PTPRG: variants seen among roughly 807,000 people sequenced by gnomAD.
The protein encoded by PTPRG is protein tyrosine phosphatase receptor type G.
In PTPRG, 102 loss-of-function variants were observed where a neutral mutation model predicts 165.3. The ratio of observed to expected loss-of-function variants is 0.62; its 90% confidence interval spans 0.53 to 0.73. The LOEUF is 0.73. Ranked by LOEUF, PTPRG falls within the 30% of genes least tolerant of loss-of-function variation. The pLI, the probability that PTPRG is intolerant of heterozygous loss-of-function variation, is 0.00. For missense variants in PTPRG, 1,866 were observed against 1,861.4 expected (o/e 1.00, Z -0.05); for synonymous variants, 675 against 669.5 (o/e 1.01, Z -0.13).
At chr3:61,911,354 A>C (rs1314727820) in intron 2 of PTPRG, among the ~76,000 whole-genome samples, 2 of 152,182 alleles carry the variant, frequency 1.3e-5, no homozygotes, top group African/African-American at 4.8e-5. Flanking sequence ...TGAGAGTGGG[A>C]TAAAAGAGTA....
intron 2 of PTPRG, among the ~76,000 whole-genome samples, chr3:61,979,917 A>C (rs1575845647): frequency 6.6e-6 from 1 of 150,530 alleles, no homozygotes; most frequent in Admixed American, 6.6e-5. Context: ...GCCTTGTAAA[A>C]CTGCTTTTAA....
intron 2 of PTPRG, among the ~76,000 whole-genome samples, chr3:61,908,048 G>C (rs183181138): frequency 7.0e-6 from 1 of 143,472 alleles, no homozygotes; most frequent in Non-Finnish European, 1.5e-5. Flanking sequence ...TTGAGCCCAA[G>C]AGTTCGAGGC....
chr3:61,912,414 G>A (rs942465229), intron 2 of PTPRG, among the ~76,000 whole-genome samples: 2 of 152,134 alleles, frequency 1.3e-5, no homozygotes, highest in African/African-American at 4.8e-5. Flanking sequence ...TTTGCATTCT[G>A]TAGTGTCTCA....
chr3:62,058,971 T>A (rs1668835559), intron 4 of PTPRG, among the ~76,000 whole-genome samples: 2 of 152,196 alleles, frequency 1.3e-5, no homozygotes, highest in Admixed American at 1.3e-4. Context: ...CACAGAACTC[T>A]GCTCTTGGTA....
At chr3:62,281,759 CATCATTCTAAGTAATAATG>C (rs765971118) in intron 27 of PTPRG, 50 bp downstream of exon 27, 2 of 1,504,438 alleles carry the variant, frequency 1.3e-6, no homozygotes, top group Middle Eastern at 1.8e-4. Context: ...GGCCCTGGAT[CATCATTCTAAGTAATAATG>C]AAATAATTTA....
At chr3:62,274,080 T>C (rs1702157279) in intron 23 of PTPRG, among the ~76,000 whole-genome samples, 1 of 152,186 alleles carries the variant, frequency 6.6e-6, no homozygotes, top group Admixed American at 6.5e-5. Context: ...TATGACTTTA[T>C]CTGAATATAA....
intron 2 of PTPRG, among the ~76,000 whole-genome samples, chr3:61,836,679 T>C (rs78529182): frequency 0.061 from 9,324 of 152,292 alleles, 640 homozygotes; most frequent in African/African-American, 0.17. Context: ...CTGAAGATGA[T>C]GCAGTTTGTA....
chr3:61,807,180 G>A lies in PTPRG; in HGVS notation c.190+58198G>A, dbSNP rs748106579. On this transcript the variant is annotated intron_variant, in intron 2 of 29. Transcript: ENST00000474889. The stretch of plus-strand genomic sequence containing the variant: ...TCTGAGACGACTTGTAAATCACAAG[G>A]AGAGAGGGCATTCTACCATTGGTCA... Among the ~76,000 whole-genome samples, 7 of 151,998 alleles carry A rather than the reference G, an allele frequency of 4.6e-5. No homozygotes were observed. In the South Asian group the frequency reaches 6.3e-4, roughly 14 times the overall value.
chr3:61,929,990 G>A (rs1169071640), intron 2 of PTPRG, among the ~76,000 whole-genome samples: 1 of 151,376 alleles, frequency 6.6e-6, no homozygotes. Flanking sequence ...TTCTTGCCCT[G>A]GATACTAGGA....
At chr3:61,600,172 AAAT>A (rs1388536022) in intron 1 of PTPRG, among the ~76,000 whole-genome samples, 3,355 of 113,810 alleles carry the variant, frequency 0.029, 68 homozygotes, top group African/African-American at 0.073. Flanking sequence ...AAAAAAAAAA[AAAT>A]ATATATATAT....
chr3:62,095,459 T>C (rs955821824), intron 5 of PTPRG, among the ~76,000 whole-genome samples: 3 of 152,210 alleles, frequency 2.0e-5, no homozygotes, highest in African/African-American at 7.2e-5. Context: ...AGAGTGTTAC[T>C]GTCTCAGCCT....
chr3:61,859,402 A>C (rs749396023), intron 2 of PTPRG, among the ~76,000 whole-genome samples: 23 of 152,148 alleles, frequency 1.5e-4, no homozygotes, highest in Admixed American at 3.3e-4. Flanking sequence ...CCCGGGTCTA[A>C]TTTTGAATTA....
chr3:62,059,448 A>G (rs750740812), intron 4 of PTPRG, among the ~76,000 whole-genome samples: 21 of 152,230 alleles, frequency 1.4e-4, no homozygotes, highest in South Asian at 2.1e-4. Flanking sequence ...CTTACCTTGT[A>G]AGAAATATGG....
chr3:61,816,474 G>C (rs779108666), intron 2 of PTPRG, among the ~76,000 whole-genome samples: 5 of 152,332 alleles, frequency 3.3e-5, no homozygotes, highest in Non-Finnish European at 7.3e-5. Flanking sequence ...GGAGGTTGCA[G>C]TGAGCCAGGA....
chr3:61,898,645 T>C (rs1213501051), intron 2 of PTPRG, among the ~76,000 whole-genome samples: 2 of 152,216 alleles, frequency 1.3e-5, no homozygotes, highest in African/African-American at 4.8e-5. Flanking sequence ...CCTCTCCTCA[T>C]TGTATGATTT....
intron 2 of PTPRG, among the ~76,000 whole-genome samples, chr3:61,800,440 C>G (rs2035196351): frequency 6.6e-6 from 1 of 152,024 alleles, no homozygotes; most frequent in Admixed American, 6.6e-5. Flanking sequence ...CCCAAGGAGG[C>G]TTCTCGGTGC....
rs181019102 is a variant in PTPRG at position 62,257,385 on chromosome 3, G to T, written c.2559+2170G>T. ...GTAATTAAAAACAAAATTGTATTAT[G>T]GTAAGAGAGTTAAGGTAATCTTAGT... On this transcript the variant is annotated intron_variant, in intron 16 of 29. Transcript: ENST00000474889. Among the ~76,000 whole-genome samples the T allele has an allele frequency of 3.2e-4, 49 of 152,246 alleles. No individual in the cohort carries two copies. The South Asian group carries it at 3.5e-3, about 11-fold the overall frequency.
At chr3:61,567,796 C>G (rs1041233692) in intron 1 of PTPRG, among the ~76,000 whole-genome samples, 1 of 151,754 alleles carries the variant, frequency 6.6e-6, no homozygotes, top group African/African-American at 2.4e-5. Flanking sequence ...CAGCCATGTG[C>G]AACATGGTGA....
At chr3:61,562,421 G>T in intron 1 of PTPRG, 49 bp downstream of exon 1, 3 of 1,583,638 alleles carry the variant, frequency 1.9e-6, no homozygotes, top group Non-Finnish European at 2.6e-6. Flanking sequence ...CGCGCGTTGG[G>T]GATGCGGAGT....
Sources: allele counts gnomAD v4.1 joint callset (sites outside exome capture counted in the v4.1 genomes callset), GRCh38; gene constraint gnomAD v4.1.1; transcripts MANE v1.5; gene names NCBI Gene and HGNC (gene_info 2026-07-23, HGNC 2026-07-21).